The following LYPLAL1 variants were observed in gnomAD, a reference collection of about 807,000 sequenced individuals.
The protein encoded by LYPLAL1 is lysophospholipase like 1, also known as lysophospholipase-like protein 1.
In LYPLAL1, 23 loss-of-function variants were observed where a neutral mutation model predicts 19.7. That is an observed-to-expected ratio of 1.17 (90% CI 0.84 to 1.65). LYPLAL1 has a LOEUF of 1.65. LYPLAL1 is among the 40% of genes most tolerant of loss of function. LYPLAL1 has a pLI of 0.00. For synonymous variants in LYPLAL1, 119 were observed against 96.3 expected, an observed-to-expected ratio of 1.24 and a Z score of -1.38; for missense variants, 355 against 279.4, an observed-to-expected ratio of 1.27 and a Z score of -1.93.
chr1:219,307,040 A>ATATG, the LYPLAL1 span, among the ~76,000 whole-genome samples: 1 of 33,956 alleles, frequency 2.9e-5, no homozygotes, highest in African/African-American at 5.5e-5. Flanking sequence ...ATATATATAT[A>ATATG]TGTATATATA....
the LYPLAL1 span, among the ~76,000 whole-genome samples, chr1:219,424,853 A>G: frequency 6.6e-6 from 1 of 152,114 alleles, no homozygotes; most frequent in Non-Finnish European, 1.5e-5. Context: ...TGACCTCTCT[A>G]TCCCTGTTTT....
At chr1:219,410,522 C>T in the LYPLAL1 span, among the ~76,000 whole-genome samples, 9 of 152,346 alleles carry the variant, frequency 5.9e-5, no homozygotes, top group South Asian at 1.9e-3. Context: ...GCTCTCAGCA[C>T]CTCCCCTGCC....
At chr1:219,195,054 T>C in intron 3 of LYPLAL1, among the ~76,000 whole-genome samples, 1 of 152,044 alleles carries the variant, frequency 6.6e-6, no homozygotes, top group East Asian at 1.9e-4. Flanking sequence ...GTCCACCACT[T>C]CCTAGTTGGC....
chr1:219,338,033 T>C, the LYPLAL1 span, among the ~76,000 whole-genome samples: 3 of 152,084 alleles, frequency 2.0e-5, no homozygotes, highest in East Asian at 5.8e-4. Flanking sequence ...ATTATTTTGG[T>C]AATAGTTCAC....
At chr1:219,407,139 T>C in the LYPLAL1 span, among the ~76,000 whole-genome samples, 1,029 of 152,350 alleles carry the variant, frequency 6.8e-3, 9 homozygotes, top group South Asian at 0.017. Flanking sequence ...CCAGAAATGC[T>C]TAGCAGATTT....
chr1:219,300,043 A>G, the LYPLAL1 span, among the ~76,000 whole-genome samples: 4 of 151,986 alleles, frequency 2.6e-5, no homozygotes, highest in African/African-American at 9.7e-5. Context: ...CAGTGGTACA[A>G]TCACAGCTAA....
At chr1:219,325,913 T>C in the LYPLAL1 span, among the ~76,000 whole-genome samples, 4 of 152,084 alleles carry the variant, frequency 2.6e-5, no homozygotes, top group Non-Finnish European at 5.9e-5. Flanking sequence ...CCAGGATTGG[T>C]GTTATTTGTA....
At chr1:219,226,691 G>C in the LYPLAL1 span, among the ~76,000 whole-genome samples, 2 of 151,888 alleles carry the variant, frequency 1.3e-5, no homozygotes, top group African/African-American at 4.8e-5. Context: ...CTGATATCTT[G>C]TGTGCAATAG....
At chr1:219,267,420 A>T in the LYPLAL1 span, among the ~76,000 whole-genome samples, 2 of 152,318 alleles carry the variant, frequency 1.3e-5, no homozygotes, top group Admixed American at 1.3e-4. Context: ...ACAGAGATTA[A>T]ATAGTTCATG....
chr1:219,264,849 A>C, the LYPLAL1 span, among the ~76,000 whole-genome samples: 1 of 152,252 alleles, frequency 6.6e-6, no homozygotes, highest in African/African-American at 2.4e-5. Context: ...AAAAAGCTGG[A>C]AAATAAGTCC....
At chr1:219,248,280 GAC>G in the LYPLAL1 span, among the ~76,000 whole-genome samples, 1 of 152,148 alleles carries the variant, frequency 6.6e-6, no homozygotes, top group Admixed American at 6.5e-5. Context: ...TCTGGGCTCT[GAC>G]ACTCTTGGTG....
chr1:219,178,352 A>G (rs559859316), intron 1 of LYPLAL1, among the ~76,000 whole-genome samples: 1 of 152,242 alleles, frequency 6.6e-6, no homozygotes, highest in Admixed American at 6.5e-5. Flanking sequence ...TAGGGACTCT[A>G]TTCCTCCCTC....
intron 3 of LYPLAL1, among the ~76,000 whole-genome samples, chr1:219,204,337 C>T (rs895838288): frequency 6.6e-6 from 1 of 152,094 alleles, no homozygotes; most frequent in African/African-American, 2.4e-5. Context: ...GATTGTCCTG[C>T]CTTCTTCTGG....
the LYPLAL1 span, among the ~76,000 whole-genome samples, chr1:219,407,957 A>G: frequency 6.6e-6 from 1 of 152,142 alleles, no homozygotes; most frequent in African/African-American, 2.4e-5. Flanking sequence ...TAATCCATTC[A>G]TGAAGACTTC....
the LYPLAL1 span, among the ~76,000 whole-genome samples, chr1:219,297,354 C>T: frequency 6.6e-6 from 1 of 152,178 alleles, no homozygotes; most frequent in Non-Finnish European, 1.5e-5. Context: ...AAATAGAATA[C>T]TTCCTCTGTT....
At chr1:219,297,884 G>T in the LYPLAL1 span, among the ~76,000 whole-genome samples, 1 of 152,194 alleles carries the variant, frequency 6.6e-6, no homozygotes, top group Non-Finnish European at 1.5e-5. Flanking sequence ...ACACTGAGCT[G>T]CATGTTTTAC....
chr1:219,419,230 C>T, the LYPLAL1 span, among the ~76,000 whole-genome samples: 2 of 152,156 alleles, frequency 1.3e-5, no homozygotes, highest in African/African-American at 4.8e-5. Flanking sequence ...TGTTAAGAAA[C>T]TGCCAAACCA....
At chr1:219,209,162 G>T (rs754821558) in intron 3 of LYPLAL1, among the ~76,000 whole-genome samples, 3 of 151,958 alleles carry the variant, frequency 2.0e-5, no homozygotes, top group Non-Finnish European at 4.4e-5. Context: ...GTCCATGGTG[G>T]GCTACTGCTA....
chr1:219,199,558 T>C (rs929263475), intron 3 of LYPLAL1, among the ~76,000 whole-genome samples: 1 of 151,730 alleles, frequency 6.6e-6, no homozygotes, highest in African/African-American at 2.4e-5. Context: ...TTCTCCTGTC[T>C]CAGCCTCCCA....
Sources: allele counts gnomAD v4.1 joint callset (sites outside exome capture counted in the v4.1 genomes callset), GRCh38; gene constraint gnomAD v4.1.1; transcripts MANE v1.5; gene names NCBI Gene and HGNC (gene_info 2026-07-23, HGNC 2026-07-21).